The following ALOX5AP variants were observed in gnomAD, a reference collection of about 807,000 sequenced individuals.
ALOX5AP encodes the protein arachidonate 5-lipoxygenase-activating protein.
ALOX5AP carries 9 observed loss-of-function variants against 18.5 expected under a neutral mutation model. That is an observed-to-expected ratio of 0.49 (90% CI 0.29 to 0.85). The LOEUF (loss-of-function observed/expected upper bound fraction) is 0.85, where lower values mean the gene tolerates loss of function less well. Among genes scored for constraint, ALOX5AP ranks in the 40% least tolerant of loss-of-function variants. The pLI, the probability that ALOX5AP is intolerant of heterozygous loss-of-function variation, is 0.08. For missense variants in ALOX5AP, 172 were observed against 202.5 expected (o/e 0.85, Z 0.91); for synonymous variants, 81 against 78.6 (o/e 1.03, Z -0.16).
intron 1 of ALOX5AP, among the ~76,000 whole-genome samples, chr13:30,719,139 T>A (rs1248529424): frequency 6.6e-6 from 1 of 152,224 alleles, no homozygotes; most frequent in Non-Finnish European, 1.5e-5. Context: ...GACCTACACT[T>A]TCCAAGCCTC....
chr13:30,760,640 C>T (rs1025101654), intron 4 of ALOX5AP, among the ~76,000 whole-genome samples: 8 of 152,252 alleles, frequency 5.3e-5, no homozygotes, highest in African/African-American at 1.9e-4. Context: ...TGGCCTCACA[C>T]AGGCAGGTCT....
chr13:30,713,953 C>A, intron 1 of ALOX5AP: 2 of 1,220,082 alleles, frequency 1.6e-6, no homozygotes, highest in Non-Finnish European at 2.3e-6. Flanking sequence ...AACCGAGGCT[C>A]CCAGAAGCAG....
chr13:30,733,423 G>A (rs1951697329), upstream of ALOX5AP, among the ~76,000 whole-genome samples: 1 of 152,210 alleles, frequency 6.6e-6, no homozygotes, highest in South Asian at 2.1e-4. Flanking sequence ...AACGCTTTAT[G>A]GGGTTCAAAC....
At chr13:30,720,324 A>G (rs1478271030) in intron 1 of ALOX5AP, among the ~76,000 whole-genome samples, 10 of 152,232 alleles carry the variant, frequency 6.6e-5, no homozygotes, top group Non-Finnish European at 1.0e-4. Flanking sequence ...TACGCAATGT[A>G]AATTGTATTA....
Position 30,735,620 on chromosome 13 carries a change from T to C in ALOX5AP, c.15T>C (p.Thr5=). 1.2e-6 allele frequency: 2 copies of C among 1,614,044 alleles called. No homozygotes were observed. Among genetic ancestry groups the C allele is most frequent in the Non-Finnish European group, 8.5e-7 (1 of 1,180,006 alleles). The change falls in exon 1 of 5, where the codon ACT becomes ACC. Residue 5 remains threonine (T), a synonymous_variant. Transcript: ENST00000380490. ...CTGAAGCAAACATGGATCAAGAAAC[T>C]GTAGGCAATGTTGTCCTGTTGGCCA... The part of the protein sequence containing the change: MDQE[T]VGNVVLLAIV...
chr13:30,714,347 C>A (rs924305619), intron 1 of ALOX5AP, among the ~76,000 whole-genome samples: 1 of 151,926 alleles, frequency 6.6e-6, no homozygotes, highest in Admixed American at 6.6e-5. Context: ...AAAGCTGTAT[C>A]TCTGTCCTCA....
At chr13:30,723,330 T>G (rs1951609023) in intron 1 of ALOX5AP, among the ~76,000 whole-genome samples, 2 of 152,254 alleles carry the variant, frequency 1.3e-5, no homozygotes, top group Non-Finnish European at 2.9e-5. Flanking sequence ...GGATGTCCAG[T>G]TGTTCCAGCA....
In ALOX5AP at chr13:30,713,600, C is replaced by T. The variant is rs141944687; in HGVS notation, c.-126C>T. ...CTGATTCCTGCACCCCACCTTTGCC[C>T]CCTCACACCTCCTCTCATCTCCCGT... On this transcript the variant is annotated 5_prime_UTR_variant, in exon 1 of 6. Transcript: ENST00000617770. The T allele has an allele frequency of 1.6e-3, 1,110 of 687,624 alleles. 14 individuals carry two copies. The African/African-American group carries it at 0.018, about 11-fold the overall frequency. The allele number at this position is 687,624 out of a possible 1,614,324, so 42.6% of individuals were successfully genotyped here. A position where few individuals can be genotyped will look rare whatever the true frequency, so the allele number is the denominator to read the frequency against.
chr13:30,745,639 T>C (rs1166319649), intron 2 of ALOX5AP, among the ~76,000 whole-genome samples: 3 of 152,252 alleles, frequency 2.0e-5, no homozygotes, highest in Admixed American at 6.5e-5. Flanking sequence ...CAATTTAAGA[T>C]GTTTAAAGGT....
At position 30,722,353 on chromosome 13, in the gene ALOX5AP, C is replaced by T. The variant is rs117823176; in HGVS notation, c.116+8512C>T. 1.2e-3 allele frequency among the ~76,000 whole-genome samples: 177 copies of T among 152,312 alleles called. 1 individual carries two copies. In the East Asian group the frequency reaches 0.029, roughly 25 times the overall value. ...TTGAACCACACCAGCACTGCCTTGC[C>T]TACCCCTGGAATTCCTTTAATGAGA... On this transcript the variant is annotated intron_variant, in intron 1 of 5. Transcript: ENST00000617770.
chr13:30,741,895 G>A (rs552398512), intron 1 of ALOX5AP, among the ~76,000 whole-genome samples: 5 of 143,430 alleles, frequency 3.5e-5, no homozygotes, highest in South Asian at 2.2e-4. Flanking sequence ...TGCAGAACCC[G>A]CAGATATAGA....
chr13:30,714,687 C>G (rs901507212), intron 1 of ALOX5AP, among the ~76,000 whole-genome samples: 4 of 151,982 alleles, frequency 2.6e-5, no homozygotes, highest in African/African-American at 9.7e-5. Flanking sequence ...GGGAGAAGAT[C>G]CTAGATGTGG....
At chr13:30,721,380 G>A (rs1951592046) in intron 1 of ALOX5AP, among the ~76,000 whole-genome samples, 1 of 152,142 alleles carries the variant, frequency 6.6e-6, no homozygotes, top group South Asian at 2.1e-4. Flanking sequence ...GATAGCTAAA[G>A]GGTCTTGAGA....
At chr13:30,741,675 A>T (rs1446995546) in intron 1 of ALOX5AP, among the ~76,000 whole-genome samples, 1 of 151,340 alleles carries the variant, frequency 6.6e-6, no homozygotes, top group African/African-American at 2.4e-5. Context: ...TCCCAAAGTG[A>T]TGGGATTATA....
At chr13:30,731,901 C>T (rs1457183099), upstream of ALOX5AP, among the ~76,000 whole-genome samples, 4 of 152,364 alleles carry the variant, frequency 2.6e-5, no homozygotes, top group East Asian at 7.7e-4. Context: ...GGGCGGGCTG[C>T]GCTCCCCTCC....
intron 2 of ALOX5AP, among the ~76,000 whole-genome samples, chr13:30,744,630 C>T (rs1354797313): frequency 6.6e-6 from 1 of 152,086 alleles, no homozygotes; most frequent in East Asian, 1.9e-4. Flanking sequence ...CACGGGGGCT[C>T]CTTGAGCAAC....
intron 2 of ALOX5AP, among the ~76,000 whole-genome samples, chr13:30,748,134 G>C (rs757712301): frequency 1.6e-4 from 25 of 152,094 alleles, no homozygotes; most frequent in Non-Finnish European, 2.6e-4. Context: ...GGCCAGCCTG[G>C]TCTCAAACTC....
At chr13:30,719,772 A>G (rs1593425390) in intron 1 of ALOX5AP, among the ~76,000 whole-genome samples, 1 of 152,132 alleles carries the variant, frequency 6.6e-6, no homozygotes, top group East Asian at 1.9e-4. Flanking sequence ...AACTCATGTC[A>G]GTTCTAATTC....
chr13:30,740,421 C>T (rs1448011687), intron 1 of ALOX5AP, among the ~76,000 whole-genome samples: 4 of 152,338 alleles, frequency 2.6e-5, no homozygotes, highest in Non-Finnish European at 4.4e-5. Context: ...TGCCCACGTA[C>T]GGCGGATGCC....
Sources: allele counts gnomAD v4.1 joint callset (sites outside exome capture counted in the v4.1 genomes callset), GRCh38; gene constraint gnomAD v4.1.1; transcripts MANE v1.5; gene names NCBI Gene and HGNC (gene_info 2026-07-23, HGNC 2026-07-21).